Variants in EYA3 observed in about 807,000 individuals in gnomAD.
EYA3 encodes EYA transcriptional coactivator and phosphatase 3, also known as protein phosphatase EYA3.
EYA3 carries 39 observed loss-of-function variants against 80.0 expected under a neutral mutation model. That is an observed-to-expected ratio of 0.49 (90% CI 0.38 to 0.64). The LOEUF is 0.64. Ranked by LOEUF, EYA3 falls within the 30% of genes least tolerant of loss-of-function variation. The pLI is 0.00. For synonymous variants in EYA3, 206 were observed against 232.8 expected (o/e 0.88, Z 1.05); for missense variants, 523 against 676.1 (o/e 0.77, Z 2.51).
At chr1:28,086,095 A>T (rs1291232068) in intron 1 of EYA3, among the ~76,000 whole-genome samples, 2 of 152,184 alleles carry the variant, frequency 1.3e-5, no homozygotes, top group Non-Finnish European at 2.9e-5. Context: ...TGACCCACTA[A>T]ATACTATATT....
intron 1 of EYA3, among the ~76,000 whole-genome samples, chr1:28,061,507 G>A (rs1012932656): frequency 2.6e-5 from 4 of 151,430 alleles, no homozygotes; most frequent in South Asian, 2.1e-4. Flanking sequence ...ACACAATATT[G>A]CAAAACTTGG....
chr1:28,076,737 CTTT>C (rs1024335865), intron 1 of EYA3, among the ~76,000 whole-genome samples: 1 of 115,106 alleles, frequency 8.7e-6, no homozygotes, highest in Non-Finnish European at 1.8e-5. Flanking sequence ...TTTATAATTT[CTTT>C]TTTTTTTTTT....
At chr1:28,077,720 A>G (rs1401858258) in intron 1 of EYA3, among the ~76,000 whole-genome samples, 1 of 152,246 alleles carries the variant, frequency 6.6e-6, no homozygotes, top group Non-Finnish European at 1.5e-5. Context: ...CCAGACTCAA[A>G]GACTCTAAAA....
intron 11 of EYA3, among the ~76,000 whole-genome samples, chr1:28,003,710 G>A (rs1439364307): frequency 6.6e-6 from 1 of 151,914 alleles, no homozygotes; most frequent in African/African-American, 2.4e-5. Flanking sequence ...ACCTGGCTGG[G>A]GTGCAGATAT....
intron 2 of EYA3, among the ~76,000 whole-genome samples, chr1:28,049,291 C>T (rs886433203): frequency 7.2e-5 from 11 of 152,122 alleles, no homozygotes; most frequent in African/African-American, 2.2e-4. Flanking sequence ...CATGAGAATA[C>T]ACAACCATGA....
At chr1:28,016,888 A>C (rs1642104392) in intron 8 of EYA3, among the ~76,000 whole-genome samples, 1 of 152,222 alleles carries the variant, frequency 6.6e-6, no homozygotes, top group Non-Finnish European at 1.5e-5. Flanking sequence ...CTTACATTCT[A>C]GTAGGGGCAG....
In EYA3 at chr1:28,017,249, T is replaced by C. The variant is rs1410028448; in HGVS notation, c.500-10A>G. The C allele has an allele frequency of 2.5e-6, 4 of 1,599,602 alleles. No individual in the cohort carries two copies. The highest frequency in any genetic ancestry group is 3.4e-6 in the Non-Finnish European group (4 of 1,166,932). ...GCATTTGTGCTTGAAGCTAGAGGAT[T>C]GATGGGGTTAAAAGATATTAAAGAT... On this transcript the variant is annotated splice_polypyrimidine_tract_variant and intron_variant, in intron 7 of 17. Coordinates refer to ENST00000373871, the MANE Select transcript of EYA3 (RefSeq NM_001990.4).
At position 28,014,196 on chromosome 1, in the gene EYA3, C is replaced by T. The variant is rs950623168; in HGVS notation, c.586-902G>A. 3.3e-5 allele frequency among the ~76,000 whole-genome samples: 5 copies of T among 152,178 alleles called. 1 individual carries two copies. The Middle Eastern group carries it at 0.01, about 311-fold the overall frequency. On this transcript the variant is annotated intron_variant, in intron 8 of 17. Transcript: ENST00000373871. ...CTTTGGGAGGACGAGGTGGGAGGAT[C>T]GCATGAGCTCAGGAGTTTGAGACCA...
At chr1:28,028,017 T>G in intron 6 of EYA3, 91 bp from the exon 7 acceptor site, 2 of 1,423,494 alleles carry the variant, frequency 1.4e-6, no homozygotes, top group Non-Finnish European at 9.6e-7. Context: ...AGGTTTAAAA[T>G]CTAAATCTTA....
chr1:27,977,526 A>G, intron 17 of EYA3: 1 of 893,614 alleles, frequency 1.1e-6, no homozygotes, highest in Non-Finnish European at 1.7e-6. Context: ...TATAGCCAAG[A>G]CTCTTTCATC....
intron 1 of EYA3, among the ~76,000 whole-genome samples, chr1:28,065,590 T>C (rs1438339298): frequency 1.3e-5 from 2 of 151,832 alleles, no homozygotes; most frequent in African/African-American, 4.8e-5. Flanking sequence ...TCTCAGCATA[T>C]GATTTTTTTT....
intron 16 of EYA3, 94 bp downstream of exon 16, chr1:27,988,441 G>T: frequency 7.3e-7 from 1 of 1,374,722 alleles, no homozygotes. Context: ...TACAAATAAA[G>T]TGTCTAACAA....
chr1:27,987,718 G>C (rs932133287), intron 16 of EYA3, among the ~76,000 whole-genome samples: 5 of 152,024 alleles, frequency 3.3e-5, no homozygotes, highest in Non-Finnish European at 5.9e-5. Flanking sequence ...ACGGAGTCTC[G>C]CTCTGTCACC....
chr1:28,046,344 G>A (rs1290371899), intron 3 of EYA3, among the ~76,000 whole-genome samples: 1 of 152,190 alleles, frequency 6.6e-6, no homozygotes, highest in African/African-American at 2.4e-5. Flanking sequence ...CAAACAACTG[G>A]AGAGGTTAGC....
chr1:28,029,237 C>T (rs1642970055), intron 6 of EYA3, among the ~76,000 whole-genome samples: 1 of 152,160 alleles, frequency 6.6e-6, no homozygotes, highest in African/African-American at 2.4e-5. Context: ...AGCACACATA[C>T]CTTTAGATTT....
intron 3 of EYA3, among the ~76,000 whole-genome samples, chr1:28,045,356 C>G (rs1290102521): frequency 1.1e-4 from 17 of 152,066 alleles, no homozygotes; most frequent in Admixed American, 1.1e-3. Flanking sequence ...CATAGAATTA[C>G]CAGGGGAAGG....
chr1:27,977,057 G>A (rs1054879129), intron 17 of EYA3: 8 of 985,150 alleles, frequency 8.1e-6, no homozygotes, highest in Non-Finnish European at 9.6e-6. Context: ...AAAGACATTA[G>A]CTCAGAGTTA....
intron 3 of EYA3, among the ~76,000 whole-genome samples, chr1:28,043,390 T>C (rs1429357207): frequency 6.6e-6 from 1 of 151,174 alleles, no homozygotes; most frequent in Non-Finnish European, 1.5e-5. Context: ...TTCTGAAATA[T>C]ACAATGCTAT....
intron 10 of EYA3, among the ~76,000 whole-genome samples, chr1:28,007,813 C>A (rs1413768538): frequency 6.6e-6 from 1 of 152,116 alleles, no homozygotes; most frequent in Non-Finnish European, 1.5e-5. Context: ...GAAGACAATA[C>A]TACCCAAACC....
Sources: gnomAD v4.1 joint callset for allele counts (sites outside exome capture counted in the v4.1 genomes callset) on GRCh38, gnomAD v4.1.1 for gene constraint, MANE v1.5 for transcripts, NCBI Gene and HGNC (gene_info 2026-07-23, HGNC 2026-07-21) for gene names.